CLCN5: variants seen among roughly 807,000 people sequenced by gnomAD.
CLCN5 encodes the protein Cl-/H+ antiporter 5.
CLCN5 carries 17 observed loss-of-function variants against 54.0 expected under a neutral mutation model. That is an observed-to-expected ratio of 0.31 (90% CI 0.22 to 0.47). The LOEUF (loss-of-function observed/expected upper bound fraction) is 0.47. CLCN5 is among the 20% of genes least tolerant of loss of function. The probability of loss-of-function intolerance (pLI) is 1.00; values close to 1 mark genes in which losing one functional copy is unlikely to be tolerated. For synonymous variants in CLCN5, 222 were observed against 233.0 expected (o/e 0.95, Z 0.43); for missense variants, 448 against 646.7 (o/e 0.69, Z 3.33).
intron 3 of CLCN5, among the ~76,000 whole-genome samples, chrX:49,958,118 T>C (rs1927423150): frequency 9.0e-6 from 1 of 111,688 alleles, no homozygotes; most frequent in African/African-American, 3.3e-5. Flanking sequence ...TATAGCCACA[T>C]CCCTTCCTCC....
At position 50,095,152 on chromosome X, in the gene CLCN5, A is replaced by G. The variant is rs1482675534; in HGVS notation, c.*2933A>G. Reference sequence around the variant, plus strand: ...CAAAAGAATGCCAATTAGTGTTTCAACAGAGTTAGGATTTTCCAAGTAAGA... The same window carrying G: ...CAAAAGAATGCCAATTAGTGTTTCAGCAGAGTTAGGATTTTCCAAGTAAGA... On this transcript the variant is annotated 3_prime_UTR_variant, in exon 15 of 15. Transcript: ENST00000376091. 1 of 112,562 alleles carries G rather than the reference A, an allele frequency of 8.9e-6. No individual in the cohort carries two copies. Among genetic ancestry groups the G allele is most frequent in the Non-Finnish European group, 1.9e-5 (1 of 53,273 alleles). 9.3% of individuals were successfully genotyped at this position (112,562 alleles called of 1,213,427 possible).
intron 3 of CLCN5, among the ~76,000 whole-genome samples, chrX:50,031,390 C>T (rs920684854): frequency 8.9e-5 from 10 of 112,016 alleles, no homozygotes; most frequent in Admixed American, 8.5e-4. Context: ...GTGGGTGTTG[C>T]CCAAGTACAA....
intron 3 of CLCN5, among the ~76,000 whole-genome samples, chrX:49,949,156 C>A (rs1337393914): frequency 8.9e-6 from 1 of 111,877 alleles, no homozygotes; most frequent in African/African-American, 3.3e-5. Flanking sequence ...CAACTAGGGG[C>A]AATTTTACCC....
At chrX:50,062,860 A>T (rs1217950388) in intron 4 of CLCN5, among the ~76,000 whole-genome samples, 1 of 106,185 alleles carries the variant, frequency 9.4e-6, no homozygotes, top group Admixed American at 1.0e-4. Context: ...AATCTCACTC[A>T]AAGCCGCTCA....
At chrX:50,027,043 C>G (rs189775893) in intron 3 of CLCN5, among the ~76,000 whole-genome samples, 1,560 of 95,871 alleles carry the variant, frequency 0.016, 31 homozygotes, top group African/African-American at 0.062. Context: ...GAGACGAAGT[C>G]TTGGCCTGTT....
chrX:50,044,200 T>TTTA (rs781845752), intron 4 of CLCN5, among the ~76,000 whole-genome samples: 2 of 111,786 alleles, frequency 1.8e-5, no homozygotes, highest in East Asian at 5.6e-4. Flanking sequence ...GTATCATTAT[T>TTTA]TTATTATTAT....
chrX:49,982,898 A>G (rs1458701216), intron 3 of CLCN5, among the ~76,000 whole-genome samples: 2 of 112,104 alleles, frequency 1.8e-5, no homozygotes, highest in African/African-American at 6.5e-5. Context: ...AGTGTGCTAC[A>G]AATACTTATT....
chrX:49,978,001 C>T (rs1463684830), intron 3 of CLCN5, among the ~76,000 whole-genome samples: 1 of 112,298 alleles, frequency 8.9e-6, no homozygotes, highest in Non-Finnish European at 1.9e-5. Context: ...GATTTTATCT[C>T]TGTTGCAAAC....
chrX:49,925,318 AG>A lies in CLCN5; in HGVS notation c.16+5del, dbSNP rs1925285401. 1 of 1,207,470 alleles carries A rather than the reference AG, an allele frequency of 8.3e-7. No individual in the cohort carries two copies. The highest frequency in any genetic ancestry group is 1.7e-5 in the African/African-American group (1 of 57,674). ...ATCAAGATGGCCATGTGGCAGGGTA[AG>A]AAATTAGCACTTATTCTTCTAACTG... On this transcript the variant is annotated splice_donor_5th_base_variant and intron_variant, in intron 3 of 14. Transcript: ENST00000376091.
At chrX:50,054,046 A>G (rs1266911868) in intron 4 of CLCN5, among the ~76,000 whole-genome samples, 5 of 111,085 alleles carry the variant, frequency 4.5e-5, no homozygotes, top group Non-Finnish European at 9.4e-5. Flanking sequence ...GTGATCCACT[A>G]TTATTATACT....
intron 4 of CLCN5, among the ~76,000 whole-genome samples, chrX:50,045,672 A>G (rs1932369668): frequency 8.9e-6 from 1 of 112,136 alleles, no homozygotes; most frequent in South Asian, 3.7e-4. Flanking sequence ...GTCCTTCATC[A>G]CTTTTCATTA....
intron 3 of CLCN5, among the ~76,000 whole-genome samples, chrX:49,970,914 C>T (rs996216702): frequency 2.7e-5 from 3 of 111,023 alleles, no homozygotes; most frequent in Non-Finnish European, 1.9e-5. Flanking sequence ...TGTGTCCTTG[C>T]CAACACTTGT....
chrX:50,007,440 T>TCACACACACACACACA (rs1198364892), intron 3 of CLCN5, among the ~76,000 whole-genome samples: 7 of 69,537 alleles, frequency 1.0e-4, no homozygotes, highest in African/African-American at 3.7e-4. Flanking sequence ...TCTCTCTCTG[T>TCACACACACACACACA]CACACACACA....
chrX:50,096,636 C>A lies in CLCN5; in HGVS notation c.*4417C>A, dbSNP rs1934270121. The A allele has an allele frequency of 8.9e-6, 1 of 112,637 alleles. No individual in the cohort carries two copies. The allele number at this position is 112,637 out of a possible 1,213,427, so 9.3% of individuals were successfully genotyped here. On this transcript the variant is annotated 3_prime_UTR_variant, in exon 15 of 15. Transcript: ENST00000376091. Reference sequence around the variant, plus strand: ...CCAGCCAAACCTTGATTTTTTTAGCCACCTCTGGGATTGCCTGGGTTCCCT... The same window carrying A: ...CCAGCCAAACCTTGATTTTTTTAGCAACCTCTGGGATTGCCTGGGTTCCCT...
At chrX:49,992,213 T>A (rs1557179086) in intron 3 of CLCN5, among the ~76,000 whole-genome samples, 2 of 107,710 alleles carry the variant, frequency 1.9e-5, no homozygotes, top group Non-Finnish European at 3.8e-5. Flanking sequence ...TTTTTCTTTT[T>A]TTTTTTTTTT....
intron 3 of CLCN5, among the ~76,000 whole-genome samples, chrX:49,995,632 A>G (rs1257865729): frequency 8.9e-6 from 1 of 112,086 alleles, no homozygotes; most frequent in Non-Finnish European, 1.9e-5. Context: ...TAATGAACCT[A>G]TTCATTCTGC....
intron 3 of CLCN5, among the ~76,000 whole-genome samples, chrX:49,935,259 A>G (rs1267238302): frequency 2.7e-5 from 3 of 111,988 alleles, no homozygotes; most frequent in East Asian, 5.6e-4. Context: ...AGTTGGTAAC[A>G]TTCCTAGCAA....
At chrX:50,070,846 T>G (rs1218356170) in intron 5 of CLCN5, among the ~76,000 whole-genome samples, 1 of 111,369 alleles carries the variant, frequency 9.0e-6, no homozygotes, top group African/African-American at 3.3e-5. Context: ...TTTAACTTGT[T>G]GCTGTGTATC....
intron 3 of CLCN5, among the ~76,000 whole-genome samples, chrX:49,966,599 T>A (rs1557175491): frequency 1.3e-4 from 2 of 15,637 alleles, no homozygotes; most frequent in African/African-American, 2.8e-4. Flanking sequence ...CTTTTTTTTT[T>A]TTTTTTTTTT....
Sources: allele counts gnomAD v4.1 joint callset (sites outside exome capture counted in the v4.1 genomes callset), GRCh38; gene constraint gnomAD v4.1.1; transcripts MANE v1.5; gene names NCBI Gene and HGNC (gene_info 2026-07-23, HGNC 2026-07-21).